Variants in UTS2 observed in about 807,000 individuals in gnomAD.
The protein encoded by UTS2 is urotensin-2.
A neutral mutation model predicts 12.6 loss-of-function variants in UTS2; 10 were observed. That is an observed-to-expected ratio of 0.80 (90% CI 0.49 to 1.35). UTS2 has a LOEUF of 1.35. Among genes scored for constraint, UTS2 ranks in the 40% most tolerant of loss-of-function variants. UTS2 has a pLI of 0.00. For synonymous variants in UTS2, 52 were observed against 50.0 expected, an observed-to-expected ratio of 1.04 and a Z score of -0.17; for missense variants, 142 against 143.2, an observed-to-expected ratio of 0.99 and a Z score of 0.04.
At chr1:7,884,150 T>C in the UTS2 span, among the ~76,000 whole-genome samples, 3 of 152,204 alleles carry the variant, frequency 2.0e-5, no homozygotes, top group African/African-American at 7.2e-5. Context: ...GAATCTGTAA[T>C]ATTTCTGTGG....
the UTS2 span, among the ~76,000 whole-genome samples, chr1:7,912,975 G>A: frequency 7.0e-6 from 1 of 143,076 alleles, no homozygotes; most frequent in African/African-American, 2.6e-5. Flanking sequence ...CCTTTAAAAT[G>A]CAAGTATAGC....
the UTS2 span, among the ~76,000 whole-genome samples, chr1:7,894,142 T>C: frequency 0.034 from 5,113 of 151,926 alleles, 95 homozygotes; most frequent in Middle Eastern, 0.044. Context: ...CTTTTTTTTT[T>C]TTCTTCTTCT....
the UTS2 span, among the ~76,000 whole-genome samples, chr1:7,863,274 G>T: frequency 1.2e-4 from 18 of 152,028 alleles, no homozygotes; most frequent in African/African-American, 4.1e-4. Flanking sequence ...ACCACGCCTG[G>T]CTAATTTTGT....
the UTS2 span, among the ~76,000 whole-genome samples, chr1:7,908,742 C>T: frequency 6.6e-6 from 1 of 151,832 alleles, no homozygotes; most frequent in African/African-American, 2.4e-5. Context: ...TTAATGGACT[C>T]ACAGTTCCAC....
chr1:7,912,460 T>C, the UTS2 span, among the ~76,000 whole-genome samples: 12 of 52,134 alleles, frequency 2.3e-4, no homozygotes, highest in African/African-American at 6.0e-4. Context: ...CCTTTTCTTG[T>C]TGTTTTTCTT....
At chr1:7,892,102 C>T in the UTS2 span, among the ~76,000 whole-genome samples, 5 of 152,174 alleles carry the variant, frequency 3.3e-5, no homozygotes, top group South Asian at 4.1e-4. Flanking sequence ...GCTGTAGCTC[C>T]GTTGTGCCTG....
the UTS2 span, among the ~76,000 whole-genome samples, chr1:7,890,039 C>T: frequency 5.3e-5 from 8 of 150,020 alleles, no homozygotes; most frequent in South Asian, 2.1e-4. Context: ...TGCACTCCAG[C>T]GTAGACGACA....
the UTS2 span, among the ~76,000 whole-genome samples, chr1:7,902,002 T>C: frequency 1.3e-5 from 2 of 151,926 alleles, no homozygotes; most frequent in African/African-American, 4.8e-5. Context: ...GAGAGGGTGA[T>C]GGATGAGGTG....
chr1:7,856,149 TTTATCCTTTATAG>T (rs1258267632), upstream of UTS2, among the ~76,000 whole-genome samples: 1 of 152,116 alleles, frequency 6.6e-6, no homozygotes, highest in Non-Finnish European at 1.5e-5. Context: ...ATTTTATGTA[TTTATCCTTTATAG>T]TAGGCAGACT....
the UTS2 span, among the ~76,000 whole-genome samples, chr1:7,907,128 C>A: frequency 6.6e-6 from 1 of 151,954 alleles, no homozygotes. Context: ...TGGTGGTGCG[C>A]GCTTGTAATC....
At chr1:7,903,006 TCC>T in the UTS2 span, among the ~76,000 whole-genome samples, 1 of 116,796 alleles carries the variant, frequency 8.6e-6, no homozygotes, top group African/African-American at 4.8e-5. Context: ...CCTCCCTCCT[TCC>T]CTCTTCCCCT....
At chr1:7,863,873 G>T in the UTS2 span, among the ~76,000 whole-genome samples, 1 of 152,190 alleles carries the variant, frequency 6.6e-6, no homozygotes, top group Non-Finnish European at 1.5e-5. Context: ...CACTCATGTG[G>T]CCCCAGTTGT....
the UTS2 span, among the ~76,000 whole-genome samples, chr1:7,886,068 G>A: frequency 6.6e-6 from 1 of 152,142 alleles, no homozygotes; most frequent in Admixed American, 6.5e-5. Flanking sequence ...GGTATCCCAG[G>A]TACCCAGGTG....
At chr1:7,910,309 G>A in the UTS2 span, among the ~76,000 whole-genome samples, 14 of 99,082 alleles carry the variant, frequency 1.4e-4, no homozygotes, top group Admixed American at 7.9e-4. Context: ...TGTAAAAACC[G>A]GCCATAAAGA....
intron 3 of UTS2, 100 bp downstream of exon 3, chr1:7,849,540 T>C: frequency 9.2e-7 from 1 of 1,090,698 alleles, no homozygotes; most frequent in Non-Finnish European, 1.3e-6. Flanking sequence ...AGGTGTGGTT[T>C]CCACCAAGAA....
chr1:7,854,102 T>A (rs113674674), upstream of UTS2, among the ~76,000 whole-genome samples: 9 of 152,038 alleles, frequency 5.9e-5, 1 homozygote, highest in South Asian at 2.1e-4. Context: ...TCCCAGCACT[T>A]TGGGAGGCTG....
At chr1:7,854,331 G>A (rs770453668), upstream of UTS2, among the ~76,000 whole-genome samples, 7 of 141,278 alleles carry the variant, frequency 5.0e-5, 1 homozygote, top group Middle Eastern at 0.019. Flanking sequence ...GTGACAGAGC[G>A]AGACTCTGTC....
chr1:7,905,939 T>C, the UTS2 span, among the ~76,000 whole-genome samples: 1 of 149,512 alleles, frequency 6.7e-6, no homozygotes, highest in Non-Finnish European at 1.5e-5. Flanking sequence ...CTGGGGGGCT[T>C]GTCTTGCTGG....
At chr1:7,896,892 T>C in the UTS2 span, among the ~76,000 whole-genome samples, 1 of 152,046 alleles carries the variant, frequency 6.6e-6, no homozygotes. Flanking sequence ...GAGATGGGGT[T>C]TCACCATGTT....
Sources: allele counts gnomAD v4.1 joint callset (sites outside exome capture counted in the v4.1 genomes callset), GRCh38; gene constraint gnomAD v4.1.1; transcripts MANE v1.5; gene names NCBI Gene and HGNC (gene_info 2026-07-23, HGNC 2026-07-21).